The following THRAP3 variants were observed in gnomAD, a reference collection of about 807,000 sequenced individuals.
THRAP3 encodes thyroid hormone receptor associated protein 3.
Under a neutral mutation model 101.0 loss-of-function variants are expected in THRAP3, and 16 were observed. The observed-to-expected ratio is 0.16, with a 90% CI of 0.11 to 0.24. THRAP3 has a LOEUF of 0.24. Ranked by LOEUF, THRAP3 falls within the 10% of genes least tolerant of loss-of-function variation. The pLI is 1.00. For missense variants in THRAP3, 989 were observed against 1,202.7 expected, an observed-to-expected ratio of 0.82 and a Z score of 2.63; for synonymous variants, 407 against 422.6, an observed-to-expected ratio of 0.96 and a Z score of 0.45.
At chr1:36,280,030 A>G (rs1645711725) in intron 2 of THRAP3, among the ~76,000 whole-genome samples, 1 of 152,150 alleles carries the variant, frequency 6.6e-6, no homozygotes, top group African/African-American at 2.4e-5. Context: ...CACGCATGTA[A>G]TCCTAGCACT....
At chr1:36,246,694 T>TAGCC (rs1645235455) in intron 1 of THRAP3, among the ~76,000 whole-genome samples, 1 of 151,580 alleles carries the variant, frequency 6.6e-6, no homozygotes, top group Non-Finnish European at 1.5e-5. Flanking sequence ...TACAAAAAAT[T>TAGCC]AGCCGGGAGT....
At chr1:36,230,955 C>T (rs184661577) in intron 1 of THRAP3, among the ~76,000 whole-genome samples, 95 of 152,328 alleles carry the variant, frequency 6.2e-4, no homozygotes, top group Non-Finnish European at 1.2e-3. Flanking sequence ...TGGGGCATGT[C>T]ATTTCCAATT....
the THRAP3 span, among the ~76,000 whole-genome samples, chr1:36,219,277 C>A: frequency 6.6e-6 from 1 of 152,132 alleles, no homozygotes; most frequent in East Asian, 1.9e-4. Context: ...GAGTTTGGTT[C>A]GTGAGGTTTA....
intron 1 of THRAP3, among the ~76,000 whole-genome samples, chr1:36,258,289 TTGGCTGATGTAACCTA>T (rs1450312566): frequency 6.6e-6 from 1 of 152,224 alleles, no homozygotes; most frequent in Non-Finnish European, 1.5e-5. Flanking sequence ...GGAAGAAGTT[TTGGCTGATGTAACCTA>T]GGCTGAATTA....
Position 36,304,206 on chromosome 1 carries a change from T to C in THRAP3, c.*189T>C, listed in dbSNP as rs1646067487. 9.5e-6 allele frequency: 8 copies of C among 839,480 alleles called. No individual in the cohort carries two copies. The highest frequency in any genetic ancestry group is 1.2e-5 in the Non-Finnish European group (7 of 587,778). 52.0% of individuals were successfully genotyped at this position (839,480 alleles called of 1,614,324 possible). A position where few individuals can be genotyped will look rare whatever the true frequency, so the allele number is the denominator to read the frequency against. ...CCCACTGGACAGAGGAGGCTGGCCA[T>C]GGGGCCCAGGGGTCAGGCCCAGCTT... On this transcript the variant is annotated 3_prime_UTR_variant, in exon 12 of 12. Transcript: ENST00000354618.
At chr1:36,236,960 T>C (rs1645097861) in intron 1 of THRAP3, among the ~76,000 whole-genome samples, 1 of 152,150 alleles carries the variant, frequency 6.6e-6, no homozygotes, top group Admixed American at 6.6e-5. Flanking sequence ...GCAAATCACC[T>C]GAGGTTAGGA....
intron 1 of THRAP3, among the ~76,000 whole-genome samples, chr1:36,247,439 CT>C: frequency 6.6e-6 from 1 of 152,058 alleles, no homozygotes; most frequent in Non-Finnish European, 1.5e-5. Flanking sequence ...ATTCTCCCAC[CT>C]CAGCCTCCTC....
chr1:36,262,796 T>C (rs1645462797), intron 2 of THRAP3, among the ~76,000 whole-genome samples: 1 of 147,294 alleles, frequency 6.8e-6, no homozygotes, highest in South Asian at 2.1e-4. Context: ...ATTTATTTAT[T>C]ATTATTATTT....
In THRAP3 at chr1:36,288,302, C is replaced by T. The variant is rs559532024; in HGVS notation, c.1041-758C>T. On this transcript the variant is annotated intron_variant, in intron 4 of 11. Coordinates refer to ENST00000354618, the MANE Select transcript of THRAP3 (RefSeq NM_005119.4). ...CCCAGTGTGTAGTTTTTTATCCTTG[C>T]CCCCTCCCATCCTTCTCCTTGAGTT... 46 of 840,256 alleles carry T rather than the reference C, an allele frequency of 5.5e-5. No individual in the cohort carries two copies. In the South Asian group the frequency reaches 2.3e-3, roughly 42 times the overall value. 52.1% of individuals were successfully genotyped at this position (840,256 alleles called of 1,614,324 possible). A position where few individuals can be genotyped will look rare whatever the true frequency, so the allele number is the denominator to read the frequency against.
chr1:36,224,715 G>T (rs1336342146), intron 1 of THRAP3, among the ~76,000 whole-genome samples: 1 of 152,030 alleles, frequency 6.6e-6, no homozygotes, highest in Non-Finnish European at 1.5e-5. Flanking sequence ...CCCTGGCCCC[G>T]GCCTAGCTCC....
upstream of THRAP3, among the ~76,000 whole-genome samples, chr1:36,222,715 T>A (rs1483219422): frequency 6.6e-6 from 1 of 152,214 alleles, no homozygotes; most frequent in Non-Finnish European, 1.5e-5. Flanking sequence ...GGCCTATGCC[T>A]GTATTTCTTA....
At chr1:36,272,125 T>G (rs1645600055) in intron 2 of THRAP3, among the ~76,000 whole-genome samples, 2 of 150,406 alleles carry the variant, frequency 1.3e-5, no homozygotes, top group Non-Finnish European at 3.0e-5. Flanking sequence ...AAAGCAAGCC[T>G]CCTTCCTTAG....
In THRAP3 at chr1:36,289,893, C is replaced by T; in HGVS notation, c.1745+129C>T. ...AGCTTCAGTGGTGATACTTTCATGTCCACCTGTGTTCACTGGAGAGTATGT... is the reference window on the plus strand; with the variant it reads ...AGCTTCAGTGGTGATACTTTCATGTTCACCTGTGTTCACTGGAGAGTATGT... On this transcript the variant is annotated intron_variant, in intron 5 of 11. Transcript: ENST00000354618. The T allele has an allele frequency of 7.7e-6, 10 of 1,293,412 alleles. 1 individual carries two copies. The South Asian group carries it at 1.4e-4, about 18-fold the overall frequency. The allele number at this position is 1,293,412 out of a possible 1,614,324, so 80.1% of individuals were successfully genotyped here.
At chr1:36,295,225 A>C (rs1645929945) in intron 8 of THRAP3, among the ~76,000 whole-genome samples, 1 of 2,224 alleles carries the variant, frequency 4.5e-4, no homozygotes, top group Non-Finnish European at 8.3e-4. Flanking sequence ...CTCTGTCTCA[A>C]AAAAAAAAAA....
intron 6 of THRAP3, among the ~76,000 whole-genome samples, chr1:36,292,260 G>GTTTTTTTTTTTTTTTTTTTTTT (rs1553124853): frequency 7.6e-5 from 1 of 13,112 alleles, no homozygotes; most frequent in African/African-American, 1.7e-4. Flanking sequence ...GTGTTTCTTT[G>GTTTTTTTTTTTTTTTTTTTTTT]TTTCTTTTTT....
intron 1 of THRAP3, among the ~76,000 whole-genome samples, chr1:36,258,329 C>T (rs1423334580): frequency 2.6e-5 from 4 of 152,002 alleles, no homozygotes; most frequent in Admixed American, 1.3e-4. Flanking sequence ...GAATACATAG[C>T]GAGAAGACAT....
At chr1:36,289,869 G>C in intron 5 of THRAP3, 105 bp downstream of exon 5, 1 of 1,425,940 alleles carries the variant, frequency 7.0e-7, no homozygotes, top group South Asian at 1.5e-5. Flanking sequence ...TCTGTCTTAA[G>C]CTTCAGTGGT....
chr1:36,291,105 AT>A (rs992335433), intron 5 of THRAP3, among the ~76,000 whole-genome samples: 1 of 152,202 alleles, frequency 6.6e-6, no homozygotes, highest in Admixed American at 6.5e-5. Context: ...ATCTTTTAAA[AT>A]ACTTTCTCAT....
At chr1:36,260,000 T>C (rs2124489177) in intron 2 of THRAP3, among the ~76,000 whole-genome samples, 1 of 152,174 alleles carries the variant, frequency 6.6e-6, no homozygotes, top group East Asian at 1.9e-4. Flanking sequence ...CCCAGCACTT[T>C]GGGAGGCCAA....
Sources: allele counts gnomAD v4.1 joint callset (sites outside exome capture counted in the v4.1 genomes callset), GRCh38; gene constraint gnomAD v4.1.1; transcripts MANE v1.5; gene names NCBI Gene and HGNC (gene_info 2026-07-23, HGNC 2026-07-21).